DNAAF4: variants seen among roughly 807,000 people sequenced by gnomAD.
DNAAF4 encodes the protein dynein assembly factor 4, axonemal.
In DNAAF4, 43 loss-of-function variants were observed where a neutral mutation model predicts 51.8. That is an observed-to-expected ratio of 0.83 (90% CI 0.65 to 1.07). The LOEUF (loss-of-function observed/expected upper bound fraction) is 1.07, where lower values mean the gene tolerates loss of function less well. DNAAF4 is among the 50% of genes least tolerant of loss of function. DNAAF4 has a pLI of 0.00. For missense variants in DNAAF4, 581 were observed against 493.0 expected, an observed-to-expected ratio of 1.18 and a Z score of -1.69; for synonymous variants, 194 against 165.6, an observed-to-expected ratio of 1.17 and a Z score of -1.32.
At chr15:55,463,439 G>C (rs532788090) in intron 5 of DNAAF4, among the ~76,000 whole-genome samples, 2 of 152,046 alleles carry the variant, frequency 1.3e-5, no homozygotes, top group African/African-American at 4.8e-5. Context: ...TAGCCAGAGC[G>C]ATCAGACAAG....
rs558740966 is a variant in DNAAF4, at chr15:55,421,267, G to A, written c.1048-3134C>T. On this transcript the variant is annotated intron_variant, in intron 7 of 7. Transcript: ENST00000448430. The stretch of plus-strand genomic sequence containing the variant: ...AAAATCCCAGCACTTTTGAGAGGCC[G>A]AGGTGGTCCGATTACAGGAAGCCAG... Among the ~76,000 whole-genome samples, 16 of 151,552 alleles carry A rather than the reference G, an allele frequency of 1.1e-4. 1 individual carries two copies. The highest frequency in any genetic ancestry group is 2.7e-4 in the African/African-American group (11 of 41,274).
chr15:55,418,210 G>A (rs768671224), intron 7 of DNAAF4: 1 of 1,572,416 alleles, frequency 6.4e-7, no homozygotes, highest in Non-Finnish European at 8.6e-7. Flanking sequence ...GATTTTATGT[G>A]TTTATCTTTT....
intron 5 of DNAAF4, among the ~76,000 whole-genome samples, chr15:55,465,220 A>G (rs1172898473): frequency 1.3e-4 from 20 of 152,210 alleles, no homozygotes; most frequent in Admixed American, 1.3e-3. Flanking sequence ...AACGAAAAGT[A>G]GAACCGCCAT....
rs1258783482 is a variant in DNAAF4 at position 55,452,379 on chromosome 15, GGA to G, written c.638-2014_638-2013del. Among the ~76,000 whole-genome samples the G allele has an allele frequency of 7.3e-5, 11 of 151,006 alleles. No individual in the cohort carries two copies. In the Admixed American group the frequency reaches 7.3e-4, roughly 10 times the overall value. ...TGATTAATACGATATAGAACATGCAGGAAATCATCACTATTATCCCATGAGGA... is the reference window on the plus strand; with the variant it reads ...TGATTAATACGATATAGAACATGCAGAATCATCACTATTATCCCATGAGGA... On this transcript the variant is annotated intron_variant, in intron 5 of 9. Transcript: ENST00000321149.
At chr15:55,438,646 G>A (rs2057656545) in intron 7 of DNAAF4, among the ~76,000 whole-genome samples, 1 of 151,960 alleles carries the variant, frequency 6.6e-6, no homozygotes, top group Admixed American at 6.6e-5. Context: ...TTCGCCAGGT[G>A]TGGCGGTGGA....
rs148213434 is a variant in DNAAF4, at chr15:55,442,985, C to T, written c.784-3404G>A. 3.6e-4 allele frequency: 576 copies of T among 1,611,178 alleles called. 1 individual carries two copies. The African/African-American group carries it at 6.7e-3, about 19-fold the overall frequency. ...TTCTCAACGTCATTGTAGAACATCA[C>T]GTATTCAAAGCCCAGGCCATCATCA... On this transcript the variant is annotated intron_variant, in intron 6 of 9. Transcript: ENST00000321149.
chr15:55,462,641 AAAAAG>A (rs984984701), intron 5 of DNAAF4, among the ~76,000 whole-genome samples: 2 of 152,134 alleles, frequency 1.3e-5, no homozygotes, highest in African/African-American at 4.8e-5. Context: ...CAAAAAAAAA[AAAAAG>A]AAAACTACAG....
intron 4 of DNAAF4, among the ~76,000 whole-genome samples, chr15:55,478,399 G>T (rs1223042228): frequency 6.6e-6 from 1 of 152,182 alleles, no homozygotes; most frequent in Non-Finnish European, 1.5e-5. Context: ...TTTAAGCACT[G>T]CCTGGGTGCT....
chr15:55,426,991 A>C (rs2057436118), downstream of DNAAF4, among the ~76,000 whole-genome samples: 1 of 152,208 alleles, frequency 6.6e-6, no homozygotes, highest in Non-Finnish European at 1.5e-5. Context: ...ATTTATTAAG[A>C]CACGGAAATT....
At position 55,463,223 on chromosome 15, in the gene DNAAF4, C is replaced by A. The variant is rs140622210; in HGVS notation, c.637+3707G>T. The stretch of plus-strand genomic sequence containing the variant: ...ACACACACACACACAAAGCATTTGA[C>A]AAAATCCAGCATCCCTTTATGACTA... On this transcript the variant is annotated intron_variant, in intron 5 of 9. Coordinates refer to ENST00000321149, the MANE Select transcript of DNAAF4 (RefSeq NM_130810.4). Among the ~76,000 whole-genome samples, 709 of 148,388 alleles carry A rather than the reference C, an allele frequency of 4.8e-3. 9 individuals are homozygous for A. Among genetic ancestry groups the A allele is most frequent in the African/African-American group, 0.017 (677 of 39,518 alleles).
At chr15:55,470,023 A>T (rs1464066272) in intron 4 of DNAAF4, among the ~76,000 whole-genome samples, 1 of 151,350 alleles carries the variant, frequency 6.6e-6, no homozygotes, top group Non-Finnish European at 1.5e-5. Flanking sequence ...GGCTCACAGG[A>T]ATCAGATAAA....
intron 4 of DNAAF4, among the ~76,000 whole-genome samples, chr15:55,470,098 C>A (rs1375797513): frequency 1.3e-5 from 2 of 151,696 alleles, no homozygotes; most frequent in African/African-American, 4.9e-5. Flanking sequence ...GTTGCCCAGG[C>A]TGGAGTGCAG....
chr15:55,473,057 T>C (rs1419572574), intron 4 of DNAAF4, among the ~76,000 whole-genome samples: 1 of 151,036 alleles, frequency 6.6e-6, no homozygotes, highest in Non-Finnish European at 1.5e-5. Context: ...TCCCAGCTAT[T>C]CGGGAGGCTG....
chr15:55,442,833 G>T (rs1306750679), intron 6 of DNAAF4: 14 of 1,612,740 alleles, frequency 8.7e-6, no homozygotes, highest in Non-Finnish European at 1.1e-5. Context: ...CAGTCATGAC[G>T]ATTCCCCCAG....
chr15:55,441,312 T>C (rs1309844505), intron 6 of DNAAF4, among the ~76,000 whole-genome samples: 1 of 145,998 alleles, frequency 6.8e-6, no homozygotes, highest in East Asian at 2.1e-4. Flanking sequence ...CCTTGTGATC[T>C]GCCCACCTCG....
At chr15:55,468,662 GGA>G (rs1451007243) in intron 4 of DNAAF4, among the ~76,000 whole-genome samples, 1 of 152,100 alleles carries the variant, frequency 6.6e-6, no homozygotes, top group Non-Finnish European at 1.5e-5. Flanking sequence ...GAGAATATGT[GGA>G]GAGTCAGACA....
At chr15:55,506,082 T>C (rs2058725813) in intron 1 of DNAAF4, among the ~76,000 whole-genome samples, 1 of 152,210 alleles carries the variant, frequency 6.6e-6, no homozygotes, top group Non-Finnish European at 1.5e-5. Context: ...TGGTATTCTA[T>C]GAGATTTAAA....
At chr15:55,503,094 T>G (rs532203342) in intron 1 of DNAAF4, among the ~76,000 whole-genome samples, 2 of 151,552 alleles carry the variant, frequency 1.3e-5, no homozygotes, top group South Asian at 4.2e-4. Context: ...AAACGGGATA[T>G]CACCACCGAT....
In DNAAF4 at chr15:55,475,306, A is replaced by G. The variant is rs78053690; in HGVS notation, c.406-8145T>C. Among the ~76,000 whole-genome samples, 226 of 152,336 alleles carry G rather than the reference A, an allele frequency of 1.5e-3. 5 individuals are homozygous for G. The East Asian group carries it at 0.033, about 23-fold the overall frequency. On this transcript the variant is annotated intron_variant, in intron 4 of 9. Coordinates refer to ENST00000321149, the MANE Select transcript of DNAAF4 (RefSeq NM_130810.4). ...AGGATAAAACTGGATAAAATTATCA[A>G]AAACAACCATTTCAGGGGACTGGAA...
Sources: gnomAD v4.1 joint callset for allele counts (sites outside exome capture counted in the v4.1 genomes callset) on GRCh38, gnomAD v4.1.1 for gene constraint, MANE v1.5 for transcripts, NCBI Gene and HGNC (gene_info 2026-07-23, HGNC 2026-07-21) for gene names.